SHISA9: variants seen among roughly 807,000 people sequenced by gnomAD.
SHISA9 encodes protein shisa-9.
Under a neutral mutation model 38.0 loss-of-function variants are expected in SHISA9, and 13 were observed. That is an observed-to-expected ratio of 0.34 (90% CI 0.22 to 0.54). The LOEUF (loss-of-function observed/expected upper bound fraction) is 0.54. Among genes scored for constraint, SHISA9 ranks in the 20% least tolerant of loss-of-function variants. The pLI is 0.91. For synonymous variants in SHISA9, 275 were observed against 242.0 expected, an observed-to-expected ratio of 1.14 and a Z score of -1.27; for missense variants, 538 against 575.8, an observed-to-expected ratio of 0.93 and a Z score of 0.67.
At chr16:13,348,735 T>C in the SHISA9 span, among the ~76,000 whole-genome samples, 11 of 152,056 alleles carry the variant, frequency 7.2e-5, no homozygotes, top group African/African-American at 2.6e-4. Context: ...CTCAGGGAAG[T>C]GGGATCCTGT....
At chr16:13,224,600 A>G (rs2051261092) in intron 4 of SHISA9, among the ~76,000 whole-genome samples, 1 of 152,226 alleles carries the variant, frequency 6.6e-6, no homozygotes, top group African/African-American at 2.4e-5. Flanking sequence ...TTGAGGATAC[A>G]GCAGTGAGCA....
chr16:13,477,597 C>G, the SHISA9 span, among the ~76,000 whole-genome samples: 1 of 152,314 alleles, frequency 6.6e-6, no homozygotes. Flanking sequence ...CACATTTTCT[C>G]TCTCCTTTCC....
At chr16:13,063,116 C>T (rs1378181196) in intron 2 of SHISA9, among the ~76,000 whole-genome samples, 1 of 152,172 alleles carries the variant, frequency 6.6e-6, no homozygotes, top group East Asian at 1.9e-4. Context: ...AAGTGATTCT[C>T]CTGCCTCAGC....
the SHISA9 span, among the ~76,000 whole-genome samples, chr16:13,532,557 A>ATGTG: frequency 0.22 from 33,119 of 149,956 alleles, 3,633 homozygotes; most frequent in South Asian, 0.31. Flanking sequence ...GCGTGTGTGT[A>ATGTG]TGTGTGTGTG....
chr16:13,256,113 G>C, the SHISA9 span, among the ~76,000 whole-genome samples: 1 of 152,230 alleles, frequency 6.6e-6, no homozygotes, highest in African/African-American at 2.4e-5. Flanking sequence ...CACCTGGCCT[G>C]CCTGTTTCCT....
chr16:12,916,932 G>A, intron 2 of SHISA9, 117 bp downstream of exon 2: 2 of 1,185,646 alleles, frequency 1.7e-6, no homozygotes, highest in Non-Finnish European at 2.3e-6. Context: ...GGGCAAGTTA[G>A]AAGCTTTCTT....
intron 2 of SHISA9, among the ~76,000 whole-genome samples, chr16:12,940,249 C>A (rs2071592000): frequency 6.6e-6 from 1 of 152,130 alleles, no homozygotes; most frequent in Non-Finnish European, 1.5e-5. Context: ...CAGTTAGTTT[C>A]CCTCTTCTAA....
the SHISA9 span, among the ~76,000 whole-genome samples, chr16:13,248,670 T>C: frequency 1.3e-5 from 2 of 152,204 alleles, no homozygotes; most frequent in Non-Finnish European, 2.9e-5. Flanking sequence ...TGGGCTTTTA[T>C]TAATCGGAAG....
chr16:12,922,247 C>T (rs1459520223), intron 2 of SHISA9, among the ~76,000 whole-genome samples: 2 of 152,250 alleles, frequency 1.3e-5, no homozygotes, highest in Admixed American at 6.5e-5. Flanking sequence ...ATCCAATTTA[C>T]AGCCTTACTA....
chr16:13,416,872 A>G, the SHISA9 span, among the ~76,000 whole-genome samples: 7 of 151,914 alleles, frequency 4.6e-5, no homozygotes. Flanking sequence ...AGGGAGGGAA[A>G]TGAAGGAAGA....
At chr16:13,136,409 T>TG (rs1486177652) in intron 2 of SHISA9, among the ~76,000 whole-genome samples, 2 of 144,152 alleles carry the variant, frequency 1.4e-5, no homozygotes. Flanking sequence ...TTTTTTTTTT[T>TG]TTTTTTTTTT....
At chr16:13,408,342 A>G in the SHISA9 span, among the ~76,000 whole-genome samples, 1 of 152,332 alleles carries the variant, frequency 6.6e-6, no homozygotes, top group East Asian at 1.9e-4. Flanking sequence ...TACAAATATT[A>G]AAAGCTGATA....
At chr16:13,245,934 A>G in the SHISA9 span, among the ~76,000 whole-genome samples, 38 of 152,124 alleles carry the variant, frequency 2.5e-4, no homozygotes, top group African/African-American at 8.9e-4. Flanking sequence ...CCCTTTATTA[A>G]TTAACTGGAG....
At chr16:13,088,672 CTT>C (rs1221020180) in intron 2 of SHISA9, among the ~76,000 whole-genome samples, 2 of 152,204 alleles carry the variant, frequency 1.3e-5, no homozygotes, top group African/African-American at 4.8e-5. Flanking sequence ...TATCCTGAGA[CTT>C]TGCTAAAGTT....
rs79685116 is a variant in SHISA9 at position 12,936,467 on chromosome 16, A to G, written c.691+19652A>G. Among the ~76,000 whole-genome samples, 358 of 152,284 alleles carry G rather than the reference A, an allele frequency of 2.4e-3. 1 individual carries two copies. The highest frequency in any genetic ancestry group is 8.3e-3 in the African/African-American group (346 of 41,570). On this transcript the variant is annotated intron_variant, in intron 2 of 4. Coordinates refer to ENST00000558583, the MANE Select transcript of SHISA9 (RefSeq NM_001145204.3). ...TCTCAGTTCAGGGATGGGAGAAGGG[A>G]TGGAGGAGGGGAAGAAAGAGAGAGA...
the SHISA9 span, among the ~76,000 whole-genome samples, chr16:13,394,930 T>G: frequency 4.9e-3 from 456 of 92,124 alleles, no homozygotes; most frequent in African/African-American, 0.016. Flanking sequence ...GTATCTGGGG[T>G]GTGTGTGTGT....
chr16:13,337,224 T>G, the SHISA9 span, among the ~76,000 whole-genome samples: 8 of 152,194 alleles, frequency 5.3e-5, no homozygotes, highest in East Asian at 1.5e-3. Flanking sequence ...ATAATTCCCT[T>G]GTGTTGCAGG....
the SHISA9 span, among the ~76,000 whole-genome samples, chr16:13,271,103 A>G: frequency 6.6e-6 from 1 of 152,228 alleles, no homozygotes; most frequent in East Asian, 1.9e-4. Flanking sequence ...GGTAGCAGGG[A>G]TATATCCCAA....
the SHISA9 span, among the ~76,000 whole-genome samples, chr16:13,382,297 G>A: frequency 6.6e-6 from 1 of 152,044 alleles, no homozygotes; most frequent in Non-Finnish European, 1.5e-5. Flanking sequence ...GGAGGCTGAG[G>A]AGGGTGGATC....
Sources: allele counts gnomAD v4.1 joint callset (sites outside exome capture counted in the v4.1 genomes callset), GRCh38; gene constraint gnomAD v4.1.1; transcripts MANE v1.5; gene names NCBI Gene and HGNC (gene_info 2026-07-23, HGNC 2026-07-21).